UNC5C: variants seen among roughly 807,000 people sequenced by gnomAD.
UNC5C encodes the protein unc-5 netrin receptor C.
A neutral mutation model predicts 99.8 loss-of-function variants in UNC5C; 47 were observed. The ratio of observed to expected loss-of-function variants is 0.47; its 90% CI spans 0.37 to 0.60. The LOEUF is 0.60. Among genes scored for constraint, UNC5C ranks in the 20% least tolerant of loss-of-function variants. The probability of loss-of-function intolerance (pLI) is 0.00; values close to 1 mark genes in which losing one functional copy is unlikely to be tolerated. For missense variants in UNC5C, 1,062 were observed against 1,165.9 expected (o/e 0.91, Z 1.30); for synonymous variants, 487 against 452.2 (o/e 1.08, Z -0.98).
chr4:95,390,106 A>T (rs10440376), intron 1 of UNC5C, among the ~76,000 whole-genome samples: 3 of 151,922 alleles, frequency 2.0e-5, no homozygotes, highest in African/African-American at 7.3e-5. Context: ...AGTAAAAAGT[A>T]TCATACTAAT....
intron 1 of UNC5C, among the ~76,000 whole-genome samples, chr4:95,424,508 T>G (rs1560827790): frequency 6.9e-6 from 1 of 144,984 alleles, no homozygotes; most frequent in East Asian, 2.1e-4. Flanking sequence ...CAGAATTTTT[T>G]TTTTCTTTTC....
intron 5 of UNC5C, among the ~76,000 whole-genome samples, chr4:95,246,372 C>A (rs1739502204): frequency 6.6e-6 from 1 of 151,738 alleles, no homozygotes; most frequent in South Asian, 2.1e-4. Flanking sequence ...GCCTGGGCAA[C>A]ATAGCAACAC....
intron 1 of UNC5C, among the ~76,000 whole-genome samples, chr4:95,522,330 T>G (rs957915974): frequency 6.6e-6 from 1 of 152,166 alleles, no homozygotes; most frequent in Non-Finnish European, 1.5e-5. Context: ...GATTTTAAAG[T>G]GCAATGCTAA....
At chr4:95,444,479 C>T (rs1039685874) in intron 1 of UNC5C, among the ~76,000 whole-genome samples, 1 of 152,116 alleles carries the variant, frequency 6.6e-6, no homozygotes, top group African/African-American at 2.4e-5. Flanking sequence ...CTACAGGGGC[C>T]TGCCACCTTG....
chr4:95,392,085 C>A (rs1288252458), intron 1 of UNC5C, among the ~76,000 whole-genome samples: 1 of 152,090 alleles, frequency 6.6e-6, no homozygotes, highest in African/African-American at 2.4e-5. Flanking sequence ...TCATAATATT[C>A]TTTTAATGTA....
intron 1 of UNC5C, among the ~76,000 whole-genome samples, chr4:95,383,238 G>A (rs1464632043): frequency 6.6e-6 from 1 of 150,556 alleles, no homozygotes; most frequent in Non-Finnish European, 1.5e-5. Flanking sequence ...TCAGTTATCT[G>A]AGAAATATAA....
intron 1 of UNC5C, among the ~76,000 whole-genome samples, chr4:95,497,112 C>CAATTGCG (rs1721650262): frequency 6.6e-6 from 1 of 151,944 alleles, no homozygotes; most frequent in African/African-American, 2.4e-5. Context: ...CATATCTTTG[C>CAATTGCG]AATTGCGAAT....
At chr4:95,181,975 C>T (rs1346229295) in intron 14 of UNC5C, among the ~76,000 whole-genome samples, 1 of 152,196 alleles carries the variant, frequency 6.6e-6, no homozygotes, top group Non-Finnish European at 1.5e-5. Flanking sequence ...ATATGACAAT[C>T]TTGTGCTTTG....
At chr4:95,281,992 A>AT (rs1741075982) in intron 3 of UNC5C, among the ~76,000 whole-genome samples, 1 of 152,138 alleles carries the variant, frequency 6.6e-6, no homozygotes, top group Admixed American at 6.5e-5. Context: ...AATGTCCCCT[A>AT]AGGGGAAAAG....
chr4:95,538,831 A>T (rs1271996552), intron 1 of UNC5C, among the ~76,000 whole-genome samples: 1 of 152,182 alleles, frequency 6.6e-6, no homozygotes, highest in Non-Finnish European at 1.5e-5. Context: ...ATATATCACT[A>T]TATCCTGAAT....
intron 3 of UNC5C, among the ~76,000 whole-genome samples, chr4:95,286,794 T>TA (rs1741248843): frequency 1.3e-5 from 2 of 152,162 alleles, no homozygotes; most frequent in Admixed American, 1.3e-4. Flanking sequence ...ATGGTGCCAA[T>TA]AGGAATGCAG....
chr4:95,333,799 G>A lies in UNC5C; in HGVS notation c.346+1611C>T, dbSNP rs112175741. On this transcript the variant is annotated intron_variant, in intron 2 of 15. Transcript: ENST00000453304. ...TCATTATTTTAGTAAAGATAAGCCTGAATATGTTGTAACGTATTTGAGTTT... is the reference window on the plus strand; with the variant it reads ...TCATTATTTTAGTAAAGATAAGCCTAAATATGTTGTAACGTATTTGAGTTT... Among the ~76,000 whole-genome samples the A allele has an allele frequency of 1.3e-3, 193 of 152,216 alleles. 3 individuals are homozygous for A. The East Asian group carries it at 0.027, about 21-fold the overall frequency.
chr4:95,395,478 G>A (rs1745484454), intron 1 of UNC5C, among the ~76,000 whole-genome samples: 1 of 152,166 alleles, frequency 6.6e-6, no homozygotes, highest in African/African-American at 2.4e-5. Flanking sequence ...AATCTATAGA[G>A]TTCTCTTAGT....
intron 1 of UNC5C, among the ~76,000 whole-genome samples, chr4:95,478,640 A>G (rs2149476892): frequency 6.6e-6 from 1 of 152,082 alleles, no homozygotes; most frequent in East Asian, 1.9e-4. Context: ...CTCTTCTTTA[A>G]TCAATCTGCA....
intron 7 of UNC5C, among the ~76,000 whole-genome samples, chr4:95,224,256 C>G (rs985627037): frequency 6.6e-6 from 1 of 152,194 alleles, no homozygotes; most frequent in African/African-American, 2.4e-5. Flanking sequence ...GCACTCCAGC[C>G]TGGGTGATAG....
intron 12 of UNC5C, among the ~76,000 whole-genome samples, chr4:95,187,543 T>A (rs1736882003): frequency 6.6e-6 from 1 of 152,206 alleles, no homozygotes; most frequent in Non-Finnish European, 1.5e-5. Context: ...AAACTGCCTA[T>A]TGGCCATGAC....
chr4:95,519,725 G>A lies in UNC5C; in HGVS notation c.124+29009C>T, dbSNP rs550788488. Among the ~76,000 whole-genome samples the A allele has an allele frequency of 5.9e-5, 9 of 152,230 alleles. No individual in the cohort carries two copies. In the East Asian group the frequency reaches 1.2e-3, roughly 20 times the overall value. ...TAAATGTGTTTTAATTGCCCAGTGT[G>A]CATAAGGGAACAGAAAGGGAAGACT... On this transcript the variant is annotated intron_variant, in intron 1 of 15. Transcript: ENST00000453304.
chr4:95,405,628 G>T (rs1261342320), intron 1 of UNC5C, among the ~76,000 whole-genome samples: 1 of 152,110 alleles, frequency 6.6e-6, no homozygotes, highest in East Asian at 1.9e-4. Context: ...TTTATTAAGA[G>T]ATCTGAGCTG....
At chr4:95,307,044 T>G (rs1742085801) in intron 2 of UNC5C, among the ~76,000 whole-genome samples, 1 of 152,178 alleles carries the variant, frequency 6.6e-6, no homozygotes, top group Admixed American at 6.5e-5. Flanking sequence ...TGTCATTATT[T>G]AGAAGGATGT....
Sources: gnomAD v4.1 joint callset for allele counts (sites outside exome capture counted in the v4.1 genomes callset) on GRCh38, gnomAD v4.1.1 for gene constraint, MANE v1.5 for transcripts, NCBI Gene and HGNC (gene_info 2026-07-23, HGNC 2026-07-21) for gene names.